LSP1: variants seen among roughly 807,000 people sequenced by gnomAD.
The protein encoded by LSP1 is lymphocyte-specific protein 1.
LSP1 carries 32 observed loss-of-function variants against 49.3 expected under a neutral mutation model. The observed-to-expected ratio is 0.65, with a 90% CI of 0.49 to 0.87. LSP1 has a LOEUF of 0.87. Among genes scored for constraint, LSP1 ranks in the 40% least tolerant of loss-of-function variants. The pLI, the probability that LSP1 is intolerant of heterozygous loss-of-function variation, is 0.00. For missense variants in LSP1, 428 were observed against 442.6 expected (o/e 0.97, Z 0.30); for synonymous variants, 179 against 178.8 (o/e 1.00, Z -0.01).
chr11:1,855,487 C>T (rs7934551), intron 1 of LSP1, among the ~76,000 whole-genome samples: 52,939 of 152,142 alleles, frequency 0.35, 9,490 homozygotes, highest in East Asian at 0.53. Flanking sequence ...CTCAGACTGT[C>T]GCATGATGTG....
intron 1 of LSP1, among the ~76,000 whole-genome samples, chr11:1,853,541 C>A (rs531738665): frequency 6.6e-6 from 1 of 152,104 alleles, no homozygotes; most frequent in East Asian, 1.9e-4. Context: ...GACTGTGGGC[C>A]CTGTTAGCTT....
intron 1 of LSP1, chr11:1,870,357 C>T (rs61868779): frequency 0.048 from 61,417 of 1,268,036 alleles, 1,754 homozygotes; most frequent in Non-Finnish European, 0.056. Flanking sequence ...ACCGGGGAGT[C>T]TCCTGGGAAA....
chr11:1,886,690 G>A lies in LSP1; in HGVS notation c.718-42G>A, dbSNP rs557017673. The A allele has an allele frequency of 2.6e-6, 4 of 1,567,190 alleles. No homozygotes were observed. In the South Asian group the frequency reaches 3.5e-5, roughly 14 times the overall value. ...GTGACCCTCTGATGTGACCACGGTG[G>A]CTGTCCACTAAGGTAATCCTGATGC... On this transcript the variant is annotated intron_variant, in intron 7 of 10. Transcript: ENST00000311604.
Position 1,881,585 on chromosome 11 carries a change from G to A in LSP1, c.345G>A (p.Glu115=). 6.6e-7 allele frequency: 1 copy of A among 1,515,548 alleles called. No homozygotes were observed. The highest frequency in any genetic ancestry group is 2.5e-5 in the East Asian group (1 of 40,210). 93.9% of individuals were successfully genotyped at this position (1,515,548 alleles called of 1,614,324 possible). The change falls in exon 3 of 11, where the codon GAG becomes GAA. Residue 115 remains glutamate, a synonymous_variant. Transcript: ENST00000311604. The part of the protein sequence containing the change: ...EPPQCRSPEG[E]QEDRPGLHAY... ...CCCAGTGCAGGAGTCCTGAGGGGGA[G>A]CAAGAGGACAGGTGAGTGAGGGCCT...
chr11:1,865,677 G>A (rs547408322), intron 1 of LSP1, among the ~76,000 whole-genome samples: 15 of 149,996 alleles, frequency 1.0e-4, no homozygotes, highest in South Asian at 4.3e-4. Context: ...CACCTGCACC[G>A]CCGGCTGCAC....
At chr11:1,886,626 C>T in intron 7 of LSP1, 106 bp from the exon 8 acceptor site, 1 of 1,339,024 alleles carries the variant, frequency 7.5e-7, no homozygotes, top group Non-Finnish European at 1.0e-6. Flanking sequence ...GAAAGCGCTC[C>T]CAGGGAAAAC....
chr11:1,883,296 G>T, intron 3 of LSP1, 123 bp from the exon 4 acceptor site: 1 of 1,224,550 alleles, frequency 8.2e-7, no homozygotes, highest in Non-Finnish European at 1.2e-6. Context: ...CAGATCCCTT[G>T]GCACTCAAGT....
At chr11:1,878,547 G>A (rs555115411) in intron 1 of LSP1, among the ~76,000 whole-genome samples, 1 of 152,084 alleles carries the variant, frequency 6.6e-6, no homozygotes, top group African/African-American at 2.4e-5. Flanking sequence ...TCGGTGGGGG[G>A]AGTGGGCCTT....
intron 3 of LSP1, 127 bp downstream of exon 3, chr11:1,881,723 C>A: frequency 9.1e-7 from 1 of 1,100,818 alleles, no homozygotes; most frequent in Admixed American, 3.5e-5. Flanking sequence ...AGCAGGGCAC[C>A]GCGGAGCTCC....
At chr11:1,870,215 C>A (rs1847941179) in intron 1 of LSP1, 1 of 1,222,848 alleles carries the variant, frequency 8.2e-7, no homozygotes, top group Non-Finnish European at 1.1e-6. Flanking sequence ...CCATGTGAGT[C>A]TCCCACGGCC....
chr11:1,864,285 G>A (rs1847718484), intron 1 of LSP1: 2 of 983,646 alleles, frequency 2.0e-6, no homozygotes, highest in South Asian at 9.1e-5. Flanking sequence ...GGCCGACGAA[G>A]GAGAAGAACA....
chr11:1,870,763 C>A, intron 1 of LSP1: 1 of 991,798 alleles, frequency 1.0e-6, no homozygotes. Context: ...ATGTGAGGTA[C>A]ATCTGGGCAT....
chr11:1,887,349 G>A (rs1297259947), intron 9 of LSP1, 35 bp downstream of exon 9: 1 of 1,601,794 alleles, frequency 6.2e-7, no homozygotes, highest in Admixed American at 1.7e-5. Context: ...AGGCAGGGTG[G>A]GTGCAGCAGG....
At chr11:1,873,120 C>T (rs1480073119) in intron 1 of LSP1, among the ~76,000 whole-genome samples, 2 of 151,634 alleles carry the variant, frequency 1.3e-5, no homozygotes, top group South Asian at 2.1e-4. Flanking sequence ...AGAGACAAGC[C>T]TCAGGTCATC....
intron 1 of LSP1, among the ~76,000 whole-genome samples, chr11:1,862,137 T>C (rs1278938798): frequency 6.6e-6 from 1 of 151,938 alleles, no homozygotes; most frequent in African/African-American, 2.4e-5. Flanking sequence ...ATGGGTAAAA[T>C]GGATGGATGA....
intron 1 of LSP1, among the ~76,000 whole-genome samples, chr11:1,878,563 C>T (rs981191406): frequency 1.4e-4 from 22 of 152,164 alleles, no homozygotes; most frequent in Non-Finnish European, 1.6e-4. Flanking sequence ...GCCTTGAACT[C>T]GGGCCTGTGG....
rs539018862 is a variant in LSP1, at chr11:1,878,972, G to A, written c.54-1115G>A. 7.2e-5 allele frequency among the ~76,000 whole-genome samples: 11 copies of A among 152,264 alleles called. 1 individual carries two copies. In the South Asian group the frequency reaches 2.1e-3, roughly 29 times the overall value. On this transcript the variant is annotated intron_variant, in intron 1 of 10. Transcript: ENST00000311604. ...GTGCCTACCTCTGTCCCTGAGGGGG[G>A]CGCGTGGGACCCCAAGAAGCCATGG... is the stretch of plus-strand genomic sequence containing the variant.
At chr11:1,888,252 T>A (rs538899042) in intron 10 of LSP1, among the ~76,000 whole-genome samples, 1 of 152,192 alleles carries the variant, frequency 6.6e-6, no homozygotes, top group South Asian at 2.1e-4. Flanking sequence ...TCTCCTGTGG[T>A]TGGCCACCCC....
rs531952396 is a variant in LSP1, at chr11:1,867,790, T to C, written c.54-12297T>C. Among the ~76,000 whole-genome samples, 319 of 152,270 alleles carry C rather than the reference T, an allele frequency of 2.1e-3. 1 individual carries two copies. Among genetic ancestry groups the C allele is most frequent in the African/African-American group, 7.5e-3 (312 of 41,532 alleles). On this transcript the variant is annotated intron_variant, in intron 1 of 10. Coordinates refer to ENST00000311604, the MANE Select transcript of LSP1 (RefSeq NM_002339.3). Reference sequence around the variant, plus strand: ...TTTACATCCATTAAAAATGGTGCTCTGGGCCAGTGGGAAAACGTGTCCCCC... The same window carrying C: ...TTTACATCCATTAAAAATGGTGCTCCGGGCCAGTGGGAAAACGTGTCCCCC...
Sources: allele counts gnomAD v4.1 joint callset (sites outside exome capture counted in the v4.1 genomes callset), GRCh38; gene constraint gnomAD v4.1.1; transcripts MANE v1.5; gene names NCBI Gene and HGNC (gene_info 2026-07-23, HGNC 2026-07-21).